Variants in PDS5A observed in about 807,000 individuals in gnomAD.
PDS5A encodes PDS5 cohesin associated factor A, also known as sister chromatid cohesion protein PDS5 homolog A.
PDS5A carries 42 observed loss-of-function variants against 167.1 expected under a neutral mutation model. The ratio of observed to expected loss-of-function variants is 0.25; its 90% CI spans 0.20 to 0.33. The LOEUF is 0.33. PDS5A is among the 10% of genes least tolerant of loss of function. The pLI, the probability that PDS5A is intolerant of heterozygous loss-of-function variation, is 1.00. For synonymous variants in PDS5A, 553 were observed against 554.6 expected (o/e 1.00, Z 0.04); for missense variants, 1,033 against 1,605.9 (o/e 0.64, Z 6.10).
At chr4:39,828,303 C>G (rs1359245446) in intron 32 of PDS5A, among the ~76,000 whole-genome samples, 1 of 152,218 alleles carries the variant, frequency 6.6e-6, no homozygotes, top group Non-Finnish European at 1.5e-5. Context: ...CCTTTAGCAT[C>G]AGCTCCCAGC....
intron 10 of PDS5A, among the ~76,000 whole-genome samples, chr4:39,909,040 A>AAAAATAAAATTAAAATAAAATAAAAT (rs1723641846): frequency 2.4e-5 from 3 of 126,024 alleles, no homozygotes; most frequent in African/African-American, 8.6e-5. Context: ...CCCTGTATCA[A>AAAAATAAAATTAAAATAAAATAAAAT]AAAATAAAAT....
intron 10 of PDS5A, 43 bp downstream of exon 10, chr4:39,910,201 T>C (rs1250459213): frequency 2.0e-6 from 2 of 976,762 alleles, no homozygotes; most frequent in Non-Finnish European, 1.6e-6. Flanking sequence ...TACAATATAG[T>C]TGTATGGTTA....
At chr4:39,897,708 T>C (rs1286365235) in intron 16 of PDS5A, among the ~76,000 whole-genome samples, 1 of 152,080 alleles carries the variant, frequency 6.6e-6, no homozygotes, top group Non-Finnish European at 1.5e-5. Context: ...CTCCAAAAAA[T>C]TTAAAAACTT....
chr4:39,972,799 C>T (rs1730679372), intron 2 of PDS5A, among the ~76,000 whole-genome samples: 1 of 150,756 alleles, frequency 6.6e-6, no homozygotes, highest in African/African-American at 2.4e-5. Flanking sequence ...TGAGCTATTC[C>T]ACAGTAAAGA....
At chr4:39,828,074 C>T (rs1191346415) in intron 32 of PDS5A, among the ~76,000 whole-genome samples, 2 of 152,176 alleles carry the variant, frequency 1.3e-5, no homozygotes, top group Non-Finnish European at 2.9e-5. Flanking sequence ...CCAGCTAATA[C>T]TGTTGACTGT....
chr4:39,868,570 C>T lies in PDS5A; in HGVS notation c.2505+824G>A, dbSNP rs1719748547. 6.9e-6 allele frequency: 3 copies of T among 437,736 alleles called. No homozygotes were observed. In the Admixed American group the frequency reaches 7.4e-5, roughly 11 times the overall value. 27.1% of individuals were successfully genotyped at this position (437,736 alleles called of 1,614,324 possible). On this transcript the variant is annotated intron_variant, in intron 22 of 32. Transcript: ENST00000303538. The stretch of plus-strand genomic sequence containing the variant: ...TCTTGAACTCCTGACCCCAAGTGAT[C>T]TGCCTGCCTCAGCCTCCCAAAGTGC...
chr4:39,889,539 A>T (rs960247336), intron 17 of PDS5A, among the ~76,000 whole-genome samples: 1 of 152,262 alleles, frequency 6.6e-6, no homozygotes, highest in Non-Finnish European at 1.5e-5. Flanking sequence ...ATAGTAACTG[A>T]ATATGGAAAG....
At chr4:39,831,957 T>C (rs867234473) in intron 32 of PDS5A, among the ~76,000 whole-genome samples, 1 of 106,578 alleles carries the variant, frequency 9.4e-6, no homozygotes, top group Non-Finnish European at 1.9e-5. Context: ...CTACTACAAA[T>C]ACAAAAATTA....
intron 17 of PDS5A, among the ~76,000 whole-genome samples, chr4:39,887,529 T>A (rs1354670668): frequency 6.6e-6 from 1 of 152,182 alleles, no homozygotes; most frequent in Non-Finnish European, 1.5e-5. Context: ...TGAGGATTTT[T>A]GTATCTATGT....
At chr4:39,895,463 T>TA (rs935313760) in intron 16 of PDS5A, among the ~76,000 whole-genome samples, 62 of 152,108 alleles carry the variant, frequency 4.1e-4, no homozygotes, top group Admixed American at 2.6e-3. Flanking sequence ...ATATAAAAGA[T>TA]AAAAAACAGT....
chr4:39,845,044 C>A (rs541879847), intron 29 of PDS5A, among the ~76,000 whole-genome samples: 1 of 152,014 alleles, frequency 6.6e-6, no homozygotes, highest in Non-Finnish European at 1.5e-5. Flanking sequence ...CCAACCTCTA[C>A]CAAAAATACA....
At chr4:39,915,204 A>G (rs1379536626) in intron 8 of PDS5A, among the ~76,000 whole-genome samples, 2 of 151,406 alleles carry the variant, frequency 1.3e-5, no homozygotes, top group Non-Finnish European at 2.9e-5. Context: ...ACACCTGGCT[A>G]ATTTTTTATT....
chr4:39,885,352 G>C (rs927279498), intron 17 of PDS5A, among the ~76,000 whole-genome samples: 1 of 150,692 alleles, frequency 6.6e-6, no homozygotes, highest in Non-Finnish European at 1.5e-5. Flanking sequence ...TGAAATACCA[G>C]CATTTTGGAG....
intron 31 of PDS5A, among the ~76,000 whole-genome samples, chr4:39,841,035 G>GT (rs72604330): frequency 0.32 from 48,480 of 151,872 alleles, 8,447 homozygotes; most frequent in Middle Eastern, 0.44. Context: ...GATTACAGGT[G>GT]TAAGTTACTG....
In PDS5A at chr4:39,926,866, TAAA is replaced by T; in HGVS notation, c.343-8_343-6del. ...GGTAATAAACAAAAATATGTCCTGTTAAAAAAAAAAACACATTAATTTAGACAC... is the reference window on the plus strand; with the variant it reads ...GGTAATAAACAAAAATATGTCCTGTTAAAAAAAACACATTAATTTAGACAC... On this transcript the variant is annotated splice_polypyrimidine_tract_variant and splice_region_variant and intron_variant, in intron 3 of 32. Transcript: ENST00000303538. 1 of 1,179,724 alleles carries T rather than the reference TAAA, an allele frequency of 8.5e-7. No individual in the cohort carries two copies. The highest frequency in any genetic ancestry group is 1.1e-6 in the Non-Finnish European group (1 of 896,072). 73.1% of individuals were successfully genotyped at this position (1,179,724 alleles called of 1,614,324 possible). A position where few individuals can be genotyped will look rare whatever the true frequency, so the allele number is the denominator to read the frequency against.
intron 15 of PDS5A, 86 bp from the exon 16 acceptor site, chr4:39,898,614 T>G (rs1033248985): frequency 6.0e-6 from 6 of 997,976 alleles, no homozygotes; most frequent in Admixed American, 3.1e-5. Context: ...ATCAAAATAT[T>G]GCGGAGCCAC....
intron 32 of PDS5A, among the ~76,000 whole-genome samples, chr4:39,831,013 A>G (rs1264197382): frequency 1.3e-5 from 2 of 152,258 alleles, no homozygotes; most frequent in African/African-American, 4.8e-5. Flanking sequence ...AAAGCTACAT[A>G]GCCCTTTATA....
chr4:39,920,054 C>T (rs192169012), intron 7 of PDS5A, among the ~76,000 whole-genome samples: 2 of 151,550 alleles, frequency 1.3e-5, no homozygotes, highest in African/African-American at 4.8e-5. Context: ...TGAAAGAGAT[C>T]AGCATATCTG....
At chr4:39,954,382 G>T (rs941463412) in intron 2 of PDS5A, among the ~76,000 whole-genome samples, 6 of 151,648 alleles carry the variant, frequency 4.0e-5, no homozygotes, top group Non-Finnish European at 8.8e-5. Flanking sequence ...AACATGCCAC[G>T]ATCTCAGCTC....
Sources: gnomAD v4.1 joint callset for allele counts (sites outside exome capture counted in the v4.1 genomes callset) on GRCh38, gnomAD v4.1.1 for gene constraint, MANE v1.5 for transcripts, NCBI Gene and HGNC (gene_info 2026-07-23, HGNC 2026-07-21) for gene names.